CCDC102B: variants seen among roughly 807,000 people sequenced by gnomAD.
CCDC102B encodes the protein coiled-coil domain containing 102B.
Under a neutral mutation model 57.4 loss-of-function variants are expected in CCDC102B, and 75 were observed. That is an observed-to-expected ratio of 1.31 (90% CI 1.08 to 1.58). The LOEUF is 1.58. Ranked by LOEUF, CCDC102B falls within the 40% of genes most tolerant of loss-of-function variation. CCDC102B has a pLI of 0.00. For synonymous variants in CCDC102B, 206 were observed against 201.9 expected, an observed-to-expected ratio of 1.02 and a Z score of -0.17; for missense variants, 636 against 582.6, an observed-to-expected ratio of 1.09 and a Z score of -0.94.
chr18:68,874,705 C>A lies in CCDC102B; in HGVS notation c.973C>A (p.Gln325Lys), dbSNP rs751965661. 2.9e-5 allele frequency: 46 copies of A among 1,611,436 alleles called. No homozygotes were observed. Among genetic ancestry groups the A allele is most frequent in the Non-Finnish European group, 3.8e-5 (45 of 1,178,248 alleles). ...TCTTGGTCAACATAATGATGAAATG[C>A]AAGAACTGTCAGGCAATATAAAGGA... Reference protein sequence around the residue: ...ILLGQHNDEMQELSGNIKEES... With the variant: ...ILLGQHNDEMKELSGNIKEES... Residue 325 changes from glutamine to lysine, a missense_variant, in exon 5 of 8, where the codon CAA (glutamine) becomes AAA (lysine). Transcript: ENST00000360242.
At chr18:68,911,897 T>A (rs202205660) in intron 6 of CCDC102B, among the ~76,000 whole-genome samples, 1 of 149,676 alleles carries the variant, frequency 6.7e-6, no homozygotes, top group Non-Finnish European at 1.5e-5. Context: ...AACAAAAAAG[T>A]AAAAAAAAAG....
intron 6 of CCDC102B, among the ~76,000 whole-genome samples, chr18:68,931,317 C>A (rs1371025915): frequency 6.6e-6 from 1 of 151,894 alleles, no homozygotes; most frequent in Non-Finnish European, 1.5e-5. Flanking sequence ...TTAAGATAAG[C>A]TAAACTGCTA....
At chr18:68,729,709 A>C (rs973985666) in intron 2 of CCDC102B, among the ~76,000 whole-genome samples, 7 of 152,246 alleles carry the variant, frequency 4.6e-5, no homozygotes, top group African/African-American at 1.7e-4. Context: ...CTTGATAAGA[A>C]TATATAGAAC....
chr18:68,737,813 G>A (rs536543781), intron 2 of CCDC102B, among the ~76,000 whole-genome samples: 1 of 151,924 alleles, frequency 6.6e-6, no homozygotes, highest in South Asian at 2.1e-4. Flanking sequence ...AACATAAACT[G>A]AGCAGTAATA....
intron 2 of CCDC102B, among the ~76,000 whole-genome samples, chr18:68,733,823 A>G (rs2033006662): frequency 6.6e-6 from 1 of 152,078 alleles, no homozygotes; most frequent in Non-Finnish European, 1.5e-5. Flanking sequence ...AGCTAAGATT[A>G]TTTTTATCAA....
At chr18:68,910,941 G>A (rs1028325300) in intron 6 of CCDC102B, among the ~76,000 whole-genome samples, 8 of 149,506 alleles carry the variant, frequency 5.4e-5, no homozygotes, top group Admixed American at 2.7e-4. Context: ...AAAAACAGAT[G>A]ATGGTGAGGT....
chr18:68,864,677 A>T (rs2038900078), intron 4 of CCDC102B, among the ~76,000 whole-genome samples: 1 of 152,014 alleles, frequency 6.6e-6, no homozygotes, highest in Non-Finnish European at 1.5e-5. Flanking sequence ...CATTATTTTT[A>T]TCCTTCTGTC....
Position 68,939,694 on chromosome 18 carries a change from T to C in CCDC102B, c.1263+42266T>C, listed in dbSNP as rs137954371. ...TTGCAATAGATTATGCCACAAGCAA[T>C]TTTTTTCATTGTATTTTGTTTTTGC... On this transcript the variant is annotated intron_variant, in intron 6 of 7. Coordinates refer to ENST00000360242, the MANE Select transcript of CCDC102B (RefSeq NM_024781.3). Among the ~76,000 whole-genome samples the C allele has an allele frequency of 1.4e-4, 22 of 151,916 alleles. No homozygotes were observed. The South Asian group carries it at 2.7e-3, about 19-fold the overall frequency.
downstream of CCDC102B, among the ~76,000 whole-genome samples, chr18:69,055,742 C>G (rs2052805472): frequency 6.6e-6 from 1 of 152,078 alleles, no homozygotes; most frequent in African/African-American, 2.4e-5. Context: ...ATCTCCCTGC[C>G]ACCATCCCTC....
At chr18:69,019,591 A>G (rs2051769115) in intron 7 of CCDC102B, among the ~76,000 whole-genome samples, 1 of 152,078 alleles carries the variant, frequency 6.6e-6, no homozygotes, top group African/African-American at 2.4e-5. Flanking sequence ...CAGCAACTTT[A>G]CTGAATTCAT....
rs372680139 is a variant in CCDC102B, at chr18:69,031,944, C to G, written c.1434+20840C>G. On this transcript the variant is annotated intron_variant, in intron 7 of 7. Coordinates refer to ENST00000360242, the MANE Select transcript of CCDC102B (RefSeq NM_024781.3). ...TTTTATAATTTTGGTCACATTTAAT[C>G]TTTGCATTTCTGTCACTGATTTTTT... 4.6e-5 allele frequency among the ~76,000 whole-genome samples: 7 copies of G among 151,958 alleles called. No homozygotes were observed. In the South Asian group the frequency reaches 1.5e-3, roughly 32 times the overall value.
chr18:69,033,705 T>G (rs955910834), intron 7 of CCDC102B, among the ~76,000 whole-genome samples: 5 of 149,240 alleles, frequency 3.4e-5, no homozygotes, highest in East Asian at 1.9e-4. Context: ...TAGATGTATG[T>G]TTTTTTTTCC....
intron 3 of CCDC102B, among the ~76,000 whole-genome samples, chr18:68,839,828 T>A (rs2037549265): frequency 6.6e-6 from 1 of 152,202 alleles, no homozygotes. Context: ...ATTTGAATGA[T>A]TCTGCCTCAA....
chr18:68,748,790 A>C (rs370001827), intron 2 of CCDC102B, among the ~76,000 whole-genome samples: 1 of 152,190 alleles, frequency 6.6e-6, no homozygotes, highest in African/African-American at 2.4e-5. Flanking sequence ...TAAAAGTATA[A>C]CAACATGCGT....
chr18:68,975,555 T>C (rs2050412069), intron 6 of CCDC102B, among the ~76,000 whole-genome samples: 1 of 152,018 alleles, frequency 6.6e-6, no homozygotes, highest in Non-Finnish European at 1.5e-5. Context: ...ATTTTGCATA[T>C]TTGTTGTATT....
chr18:68,718,411 A>G (rs2032143046), intron 2 of CCDC102B, among the ~76,000 whole-genome samples: 1 of 152,238 alleles, frequency 6.6e-6, no homozygotes, highest in Admixed American at 6.5e-5. Context: ...AGAAGCCAGA[A>G]ACTAAAGAAA....
At chr18:68,931,490 C>T (rs920971753) in intron 6 of CCDC102B, among the ~76,000 whole-genome samples, 6 of 151,056 alleles carry the variant, frequency 4.0e-5, no homozygotes, top group African/African-American at 9.8e-5. Flanking sequence ...AAGATTTTTT[C>T]GGTTGGGGGG....
chr18:68,744,699 G>A (rs1302104876), intron 2 of CCDC102B, among the ~76,000 whole-genome samples: 1 of 152,108 alleles, frequency 6.6e-6, no homozygotes, highest in Non-Finnish European at 1.5e-5. Flanking sequence ...TGATTCCCCG[G>A]CTGCGTGGTT....
intron 4 of CCDC102B, among the ~76,000 whole-genome samples, chr18:68,864,165 A>G (rs912874689): frequency 2.6e-5 from 4 of 151,904 alleles, no homozygotes; most frequent in African/African-American, 9.7e-5. Flanking sequence ...ATCTATCTTC[A>G]TTACTTTTGG....
Sources: allele counts gnomAD v4.1 joint callset (sites outside exome capture counted in the v4.1 genomes callset), GRCh38; gene constraint gnomAD v4.1.1; transcripts MANE v1.5; gene names NCBI Gene and HGNC (gene_info 2026-07-23, HGNC 2026-07-21).